SHISA5: variants seen among roughly 807,000 people sequenced by gnomAD.
The protein encoded by SHISA5 is shisa family member 5.
A neutral mutation model predicts 27.5 loss-of-function variants in SHISA5; 21 were observed. That is an observed-to-expected ratio of 0.76 (90% CI 0.54 to 1.10). SHISA5 has a LOEUF of 1.10. Ranked by LOEUF, SHISA5 falls within the 50% of genes least tolerant of loss-of-function variation. The pLI is 0.00. For missense variants in SHISA5, 314 were observed against 336.3 expected, an observed-to-expected ratio of 0.93 and a Z score of 0.52; for synonymous variants, 137 against 142.2, an observed-to-expected ratio of 0.96 and a Z score of 0.26.
rs1043556345 is a variant in SHISA5 at position 48,473,645 on chromosome 3, C to T, written c.315-3802G>A. The T allele has an allele frequency of 9.3e-5, 109 of 1,172,078 alleles. No homozygotes were observed. Among genetic ancestry groups the T allele is most frequent in the Non-Finnish European group, 1.1e-4 (105 of 929,032 alleles). The allele number at this position is 1,172,078 out of a possible 1,614,324, so 72.6% of individuals were successfully genotyped here. On this transcript the variant is annotated intron_variant, in intron 3 of 5. Transcript: ENST00000296444. The surrounding 1 kb of genome is among the most constrained non-coding windows in gnomAD (Gnocchi z 4.3). ...CCATGCAAGGTCCATCATGTCACCA[C>T]CTGCTCAAACGCCAGCTATGGCTCC...
chr3:48,474,568 C>A (rs1427785486), intron 3 of SHISA5, among the ~76,000 whole-genome samples: 1 of 152,118 alleles, frequency 6.6e-6, no homozygotes, highest in Admixed American at 6.6e-5. Context: ...AACTCCCGAC[C>A]TCAGGTGATC....
rs3135952 is a variant in SHISA5 at position 48,468,811 on chromosome 3, C to T, written c.*296G>A. The T allele has an allele frequency of 0.028, 40,444 of 1,458,742 alleles. 723 individuals carry two copies. The highest frequency in any genetic ancestry group is 0.034 in the Non-Finnish European group (36,915 of 1,097,536). 90.4% of individuals were successfully genotyped at this position (1,458,742 alleles called of 1,614,324 possible). Reference sequence around the variant, plus strand: ...CCCCCACCTCTCAGGGGCCACCTCACAGGGTGCCCCCCACCACCCCATTCT... The same window carrying T: ...CCCCCACCTCTCAGGGGCCACCTCATAGGGTGCCCCCCACCACCCCATTCT... On this transcript the variant is annotated 3_prime_UTR_variant, in exon 6 of 6. Transcript: ENST00000296444.
chr3:48,504,423 C>A (rs1575338724), upstream of SHISA5: 1 of 244,642 alleles, frequency 4.1e-6, no homozygotes, highest in East Asian at 7.7e-5. The surrounding 1 kb of genome is among the most constrained non-coding windows in gnomAD (Gnocchi z 4.0). Context: ...TTCTGCTCAC[C>A]GGATGCATGG....
upstream of SHISA5, chr3:48,504,705 T>TA (rs2041848869): frequency 6.6e-6 from 1 of 152,438 alleles, no homozygotes; most frequent in East Asian, 1.9e-4. The surrounding 1 kb of genome is among the most constrained non-coding windows in gnomAD (Gnocchi z 4.0). Flanking sequence ...GGACACTCGA[T>TA]CTCCTGCCCC....
intron 2 of SHISA5, 31 bp downstream of exon 2, chr3:48,501,106 C>A: frequency 6.3e-7 from 1 of 1,589,780 alleles, no homozygotes; most frequent in Non-Finnish European, 8.6e-7. Flanking sequence ...AGGCTCAAGC[C>A]ACCCACCCTG....
intron 1 of SHISA5, among the ~76,000 whole-genome samples, chr3:48,503,527 A>G (rs1205165414): frequency 1.3e-5 from 2 of 152,186 alleles, no homozygotes; most frequent in Non-Finnish European, 2.9e-5. Flanking sequence ...ACCTATCTGC[A>G]ACCAACACAC....
Position 48,468,525 on chromosome 3 carries a change from C to T in SHISA5, c.*582G>A, listed in dbSNP as rs80070357. The stretch of plus-strand genomic sequence containing the variant: ...GATCCCCAACAGGCATGACAGGCTC[C>T]AGGGAGCAATGGGACATCTGCCCAA... On this transcript the variant is annotated 3_prime_UTR_variant, in exon 6 of 6. Coordinates refer to ENST00000296444, the MANE Select transcript of SHISA5 (RefSeq NM_016479.6). The T allele has an allele frequency of 1.0e-3, 1,185 of 1,186,730 alleles. 3 individuals are homozygous for T. In the African/African-American group the frequency reaches 0.016, roughly 16 times the overall value. The allele number at this position is 1,186,730 out of a possible 1,614,324, so 73.5% of individuals were successfully genotyped here.
At position 48,496,083 on chromosome 3, in the gene SHISA5, G is replaced by A. The variant is rs936525905; in HGVS notation, c.233+5054C>T. Among the ~76,000 whole-genome samples the A allele has an allele frequency of 4.9e-5, 7 of 143,166 alleles. No homozygotes were observed. In the South Asian group the frequency reaches 8.7e-4, roughly 18 times the overall value. 93.9% of individuals were successfully genotyped at this position (143,166 alleles called of 152,430 possible). ...AGGCGGATCACAAGGTCAGGCGTTC[G>A]AGACCAGCCTGGCCAACATGGTGAA... is the stretch of plus-strand genomic sequence containing the variant. On this transcript the variant is annotated intron_variant, in intron 2 of 5. Coordinates refer to ENST00000296444, the MANE Select transcript of SHISA5 (RefSeq NM_016479.6).
Position 48,473,316 on chromosome 3 carries a change from G to A in SHISA5, c.315-3473C>T, listed in dbSNP as rs2040710402. Reference sequence around the variant, plus strand: ...CTGCCTCCCTGAGCCAAGCCTACAGGGCCTGACCTCAGAATGCAGCCTGGC... The same window carrying A: ...CTGCCTCCCTGAGCCAAGCCTACAGAGCCTGACCTCAGAATGCAGCCTGGC... On this transcript the variant is annotated intron_variant, in intron 3 of 5. Coordinates refer to ENST00000296444, the MANE Select transcript of SHISA5 (RefSeq NM_016479.6). This position sits in a 1 kb window ranked among gnomAD's most constrained non-coding sequence, Gnocchi z 4.3. The A allele has an allele frequency of 7.1e-7, 1 of 1,399,134 alleles. No individual in the cohort carries two copies. The highest frequency in any genetic ancestry group is 9.4e-7 in the Non-Finnish European group (1 of 1,064,194). 86.7% of individuals were successfully genotyped at this position (1,399,134 alleles called of 1,614,324 possible).
At chr3:48,502,075 C>A (rs1421780236) in intron 1 of SHISA5, among the ~76,000 whole-genome samples, 5 of 152,150 alleles carry the variant, frequency 3.3e-5, no homozygotes, top group Non-Finnish European at 7.4e-5. Flanking sequence ...GTTGGCCAGG[C>A]TGGTCTTGAA....
chr3:48,498,888 C>T (rs1229399384), intron 2 of SHISA5, among the ~76,000 whole-genome samples: 2 of 151,636 alleles, frequency 1.3e-5, no homozygotes, highest in African/African-American at 4.8e-5. Flanking sequence ...TCAAGACCAG[C>T]CTGGCCAACA....
Position 48,469,467 on chromosome 3 carries a change from GGT to G in SHISA5, c.535_536del (p.Thr179HisfsTer141), listed in dbSNP as rs1396323077. ...YPGPSYQGYH[T>X]MPPQPGMPAA... ...CTGGCATCCCTGGCTGAGGCGGCAT[GGT>G]GTGGTAGCCCTGGTAGCTTGGTCCA... On this transcript the variant is annotated frameshift_variant, in exon 5 of 6. Coordinates refer to ENST00000296444, the MANE Select transcript of SHISA5 (RefSeq NM_016479.6). LOFTEE classifies it high-confidence loss of function. This position sits in a 1 kb window ranked among gnomAD's most constrained non-coding sequence, Gnocchi z 4.6. 6.2e-7 allele frequency: 1 copy of G among 1,613,814 alleles called. No homozygotes were observed. Among genetic ancestry groups the G allele is most frequent in the East Asian group, 2.2e-5 (1 of 44,892 alleles).
rs765263676 is a variant in SHISA5, at chr3:48,469,164, G to A, written c.666C>T (p.Pro222=). The A allele has an allele frequency of 9.9e-6, 16 of 1,612,640 alleles. 1 individual carries two copies. The highest frequency in any genetic ancestry group is 5.0e-5 in the Admixed American group (3 of 59,998). ...TLAGGAAAPY[P]ASQPPYNPAY... ...CCGGGTTGTAAGGAGGCTGGCTGGC[G>A]GGGTAGGGCGCGGCTGCTCCTCCTG... The change falls in exon 6 of 6, where the codon CCC becomes CCT. Residue 222 remains proline (P), a synonymous_variant. Transcript: ENST00000296444. The surrounding 1 kb of genome is among the most constrained non-coding windows in gnomAD (Gnocchi z 4.6).
chr3:48,483,170 A>G (rs2041080278), intron 2 of SHISA5, among the ~76,000 whole-genome samples: 1 of 150,902 alleles, frequency 6.6e-6, no homozygotes, highest in Non-Finnish European at 1.5e-5. Context: ...ACAATAGTGG[A>G]GGGAAGGTCA....
intron 2 of SHISA5, among the ~76,000 whole-genome samples, chr3:48,498,624 T>C (rs1336961254): frequency 6.8e-6 from 1 of 146,616 alleles, no homozygotes; most frequent in African/African-American, 2.6e-5. Flanking sequence ...CAGGTGGAGG[T>C]TGCCGTGAGA....
intron 2 of SHISA5, among the ~76,000 whole-genome samples, chr3:48,480,285 C>CAA (rs57073358): frequency 5.8e-5 from 6 of 103,552 alleles, no homozygotes; most frequent in African/African-American, 1.9e-4. Context: ...TAAGAAGGTA[C>CAA]AAAAAAAAAA....
At chr3:48,485,627 ATAT>A (rs1346278987) in intron 2 of SHISA5, among the ~76,000 whole-genome samples, 6 of 144,948 alleles carry the variant, frequency 4.1e-5, no homozygotes, top group Non-Finnish European at 6.0e-5. Context: ...TAATATATAG[ATAT>A]TATATATAAG....
At chr3:48,488,239 T>C (rs1461980442) in intron 2 of SHISA5, among the ~76,000 whole-genome samples, 1 of 147,388 alleles carries the variant, frequency 6.8e-6, no homozygotes, top group Non-Finnish European at 1.5e-5. Flanking sequence ...TCCTCTTGAC[T>C]GCTTTTTTTT....
intron 3 of SHISA5, among the ~76,000 whole-genome samples, chr3:48,472,457 C>T (rs2040667802): frequency 6.6e-6 from 1 of 152,200 alleles, no homozygotes. Flanking sequence ...GATCGCGCCA[C>T]TGCACTCCTG....
Sources: gnomAD v4.1 joint callset for allele counts (sites outside exome capture counted in the v4.1 genomes callset) on GRCh38, gnomAD v4.1.1 for gene constraint, Gnocchi (gnomAD v3.1) non-coding constraint, MANE v1.5 for transcripts, NCBI Gene and HGNC (gene_info 2026-07-23, HGNC 2026-07-21) for gene names.